Variants in XKR6 observed in about 807,000 individuals in gnomAD.
XKR6 encodes XK related 6.
Under a neutral mutation model 56.7 loss-of-function variants are expected in XKR6, and 22 were observed. The observed-to-expected ratio is 0.39, with a 90% CI of 0.28 to 0.55. The LOEUF (loss-of-function observed/expected upper bound fraction) is 0.55, where lower values mean the gene tolerates loss of function less well. XKR6 is among the 20% of genes least tolerant of loss of function. The pLI, the probability that XKR6 is intolerant of heterozygous loss-of-function variation, is 0.66. For missense variants in XKR6, 852 were observed against 889.0 expected, an observed-to-expected ratio of 0.96 and a Z score of 0.53; for synonymous variants, 524 against 387.8, an observed-to-expected ratio of 1.35 and a Z score of -4.13.
chr8:10,981,535 C>T (rs1169691984), intron 1 of XKR6, among the ~76,000 whole-genome samples: 1 of 152,154 alleles, frequency 6.6e-6, no homozygotes, highest in African/African-American at 2.4e-5. Flanking sequence ...AGAAGTAGTT[C>T]AAAAGCAAAA....
chr8:11,140,790 C>A (rs189368425), intron 1 of XKR6, among the ~76,000 whole-genome samples: 3 of 147,818 alleles, frequency 2.0e-5, no homozygotes, highest in Non-Finnish European at 4.4e-5. Context: ...CCCAGCTACT[C>A]GGGAGGCTGA....
chr8:10,984,720 C>CTATATG (rs1212342415), intron 1 of XKR6, among the ~76,000 whole-genome samples: 5 of 83,264 alleles, frequency 6.0e-5, no homozygotes, highest in African/African-American at 2.1e-4. Flanking sequence ...CTCTCTCTCT[C>CTATATG]TCTCTCTCTC....
intron 1 of XKR6, among the ~76,000 whole-genome samples, chr8:11,053,369 C>A (rs990923500): frequency 1.3e-5 from 2 of 152,244 alleles, no homozygotes; most frequent in African/African-American, 4.8e-5. Flanking sequence ...GACTCCCCTG[C>A]CACAAGGGTA....
rs1232395139 is a variant in XKR6 at position 11,123,186 on chromosome 8, G to A, written c.764+77390C>T. Among the ~76,000 whole-genome samples the A allele has an allele frequency of 4.7e-5, 7 of 148,792 alleles. No homozygotes were observed. The East Asian group carries it at 1.4e-3, about 30-fold the overall frequency. ...TGGGAGGTGGAGGTCGCAGTGAGCC[G>A]AGATTGTGCCACTGCACTCCAGCCT... On this transcript the variant is annotated intron_variant, in intron 1 of 2. Transcript: ENST00000416569.
chr8:11,118,460 C>T (rs1187377561), intron 1 of XKR6, among the ~76,000 whole-genome samples: 4 of 152,120 alleles, frequency 2.6e-5, no homozygotes, highest in Admixed American at 6.5e-5. Context: ...AGTTGGTAAG[C>T]TATTAACTAT....
chr8:11,201,326 G>T lies in XKR6; in HGVS notation c.14C>A (p.Ser5Tyr). ...GCCCACCCCCACGCCACCGCCATCG[G>T]ATTTCGCCGCCATCTTGACTCTCTT... MAAK[S>Y]DGGGVGVGFA... Residue 5 changes from serine to tyrosine, a missense_variant, in exon 1 of 3, where the codon TCC becomes TAC. Ser to Tyr is a moderately radical substitution (Grantham distance 144, BLOSUM62 -2). Coordinates refer to ENST00000416569, the MANE Select transcript of XKR6 (RefSeq NM_173683.4). 1 of 1,455,674 alleles carries T rather than the reference G, an allele frequency of 6.9e-7. No individual in the cohort carries two copies. Among genetic ancestry groups the T allele is most frequent in the Non-Finnish European group, 9.1e-7 (1 of 1,099,266 alleles). The allele number at this position is 1,455,674 out of a possible 1,614,324, so 90.2% of individuals were successfully genotyped here.
chr8:11,092,611 C>T (rs1401359051), intron 1 of XKR6, among the ~76,000 whole-genome samples: 3 of 152,100 alleles, frequency 2.0e-5, no homozygotes, highest in African/African-American at 7.2e-5. Flanking sequence ...GGGAGCTGGC[C>T]ATGGTCCTGC....
Position 11,062,872 on chromosome 8 carries a change from G to A in XKR6, c.764+137704C>T, listed in dbSNP as rs1424872966. The A allele has an allele frequency of 2.6e-5, 12 of 455,906 alleles. No homozygotes were observed. In the East Asian group the frequency reaches 7.6e-4, roughly 29 times the overall value. 28.2% of individuals were successfully genotyped at this position (455,906 alleles called of 1,614,324 possible). On this transcript the variant is annotated intron_variant, in intron 1 of 2. Transcript: ENST00000416569. ...TAGCCAATGGGAGGTGAGTGGAAGTGGGTGTCCCTTCCAGACGTCGTACTG... is the reference window on the plus strand; with the variant it reads ...TAGCCAATGGGAGGTGAGTGGAAGTAGGTGTCCCTTCCAGACGTCGTACTG...
intron 1 of XKR6, among the ~76,000 whole-genome samples, chr8:10,984,481 G>T (rs1221576279): frequency 1.3e-5 from 2 of 151,404 alleles, no homozygotes; most frequent in Non-Finnish European, 2.9e-5. Flanking sequence ...GCAAGTGGTG[G>T]GAAAAAGAAA....
chr8:10,902,134 C>A (rs746075083), intron 2 of XKR6, among the ~76,000 whole-genome samples: 14 of 152,150 alleles, frequency 9.2e-5, no homozygotes, highest in Non-Finnish European at 1.6e-4. Context: ...AGAATTTCGC[C>A]CAAGGGTACT....
At chr8:11,179,020 CTTT>C (rs35214787) in intron 1 of XKR6, among the ~76,000 whole-genome samples, 6 of 104,516 alleles carry the variant, frequency 5.7e-5, no homozygotes, top group Non-Finnish European at 9.1e-5. Flanking sequence ...TTTTCTTTTT[CTTT>C]TTTTTTTTTT....
rs1563274757 is a variant in XKR6 at position 10,896,763 on chromosome 8, T to G, written c.*1189A>C. ...ATATATTCTAGTTTTCCTCTTTGTGTTATTTTTTTTTTTAAAAAAGCACAA... is the reference window on the plus strand; with the variant it reads ...ATATATTCTAGTTTTCCTCTTTGTGGTATTTTTTTTTTTAAAAAAGCACAA... On this transcript the variant is annotated 3_prime_UTR_variant, in exon 3 of 3. Transcript: ENST00000416569. The G allele has an allele frequency of 9.9e-6, 1 of 101,522 alleles. No individual in the cohort carries two copies. Among genetic ancestry groups the G allele is most frequent in the African/African-American group, 5.2e-5 (1 of 19,238 alleles). The allele number at this position is 101,522 out of a possible 1,614,324, so 6.3% of individuals were successfully genotyped here.
intron 2 of XKR6, among the ~76,000 whole-genome samples, chr8:10,904,039 C>T (rs1800116641): frequency 6.6e-6 from 1 of 152,208 alleles, no homozygotes; most frequent in South Asian, 2.1e-4. Flanking sequence ...CAGTGAAATT[C>T]CTGGACAGGC....
At chr8:11,134,242 G>A (rs1800267315) in intron 1 of XKR6, among the ~76,000 whole-genome samples, 1 of 152,132 alleles carries the variant, frequency 6.6e-6, no homozygotes, top group East Asian at 1.9e-4. Context: ...ACTGATCACA[G>A]TGTGTGTTAC....
At chr8:10,950,160 C>T (rs905660003) in intron 1 of XKR6, among the ~76,000 whole-genome samples, 1 of 152,144 alleles carries the variant, frequency 6.6e-6, no homozygotes, top group Non-Finnish European at 1.5e-5. Flanking sequence ...AGCTTCCCAA[C>T]AGGTGGGGGT....
chr8:10,960,111 T>C (rs983713647), intron 1 of XKR6, among the ~76,000 whole-genome samples: 3 of 152,208 alleles, frequency 2.0e-5, no homozygotes, highest in Non-Finnish European at 2.9e-5. Flanking sequence ...TAAAGATCTC[T>C]TCCAATCAGG....
At chr8:11,157,689 G>C (rs1468186866) in intron 1 of XKR6, among the ~76,000 whole-genome samples, 1 of 151,986 alleles carries the variant, frequency 6.6e-6, no homozygotes, top group African/African-American at 2.4e-5. Flanking sequence ...CTAATTCTTT[G>C]GGGTTTTTCT....
intron 1 of XKR6, among the ~76,000 whole-genome samples, chr8:11,186,587 C>G (rs1303545729): frequency 1.3e-5 from 2 of 152,154 alleles, no homozygotes; most frequent in Non-Finnish European, 2.9e-5. Flanking sequence ...CCTACATTGC[C>G]CAGGTTGGTC....
intron 1 of XKR6, among the ~76,000 whole-genome samples, chr8:11,146,737 G>A (rs1363454257): frequency 6.6e-6 from 1 of 151,744 alleles, no homozygotes; most frequent in Non-Finnish European, 1.5e-5. Context: ...TCCATTGTCA[G>A]ATGAACAAAT....
Sources: gnomAD v4.1 joint callset for allele counts (sites outside exome capture counted in the v4.1 genomes callset) on GRCh38, gnomAD v4.1.1 for gene constraint, MANE v1.5 for transcripts, NCBI Gene and HGNC (gene_info 2026-07-23, HGNC 2026-07-21) for gene names.